The following NPSR1 variants were observed in gnomAD, a reference collection of about 807,000 sequenced individuals.
NPSR1 encodes the protein neuropeptide S receptor 1.
Under a neutral mutation model 46.9 loss-of-function variants are expected in NPSR1, and 48 were observed. The ratio of observed to expected loss-of-function variants is 1.02; its 90% confidence interval spans 0.81 to 1.30. NPSR1 has a LOEUF of 1.30. Among genes scored for constraint, NPSR1 ranks in the 50% most tolerant of loss-of-function variants. The pLI is 0.00. For missense variants in NPSR1, 450 were observed against 449.5 expected (o/e 1.00, Z -0.01); for synonymous variants, 176 against 168.1 (o/e 1.05, Z -0.36).
intron 2 of NPSR1, chr7:34,711,008 G>A: frequency 2.9e-6 from 1 of 344,548 alleles, no homozygotes; most frequent in Non-Finnish European, 5.7e-6. Flanking sequence ...CTATGTACCT[G>A]CAGAACGCAA....
At chr7:34,740,922 G>T (rs752610188) in intron 2 of NPSR1, among the ~76,000 whole-genome samples, 2 of 152,092 alleles carry the variant, frequency 1.3e-5, no homozygotes, top group Non-Finnish European at 2.9e-5. Context: ...CCTGCCTCCT[G>T]TCCACCGTGA....
chr7:34,702,015 T>C (rs34310477), intron 2 of NPSR1, among the ~76,000 whole-genome samples: 2,803 of 152,324 alleles, frequency 0.018, 47 homozygotes, highest in Middle Eastern at 0.034. Context: ...TTTTATCTTA[T>C]GTAAAGAAGT....
At chr7:34,839,800 A>G (rs1344539482) in intron 6 of NPSR1, among the ~76,000 whole-genome samples, 2 of 152,098 alleles carry the variant, frequency 1.3e-5, no homozygotes, top group African/African-American at 4.8e-5. Flanking sequence ...AAGCAGGGGC[A>G]GGGGAAGAGA....
Position 34,793,764 on chromosome 7 carries a change from G to T in NPSR1, c.384+15199G>T, listed in dbSNP as rs35123661. ...AAATCAGTATGTCAAAGAGACATCT[G>T]CTGTCCTGTGTTTATTACAGCACTA... On this transcript the variant is annotated intron_variant, in intron 3 of 8. Coordinates refer to ENST00000360581, the MANE Select transcript of NPSR1 (RefSeq NM_207172.2). 1.8e-3 allele frequency among the ~76,000 whole-genome samples: 272 copies of T among 152,190 alleles called. 1 individual carries two copies. The highest frequency in any genetic ancestry group is 6.3e-3 in the African/African-American group (263 of 41,536).
chr7:34,699,297 T>C (rs544357616), intron 2 of NPSR1, among the ~76,000 whole-genome samples: 13 of 152,184 alleles, frequency 8.5e-5, no homozygotes, highest in Admixed American at 1.3e-4. Context: ...CTGAGCAACA[T>C]AGTGAGACCC....
At chr7:34,820,507 T>A (rs770092531) in intron 4 of NPSR1, among the ~76,000 whole-genome samples, 6 of 152,152 alleles carry the variant, frequency 3.9e-5, no homozygotes, top group Non-Finnish European at 7.3e-5. Flanking sequence ...TGCAAAAATG[T>A]GTCAATGAAG....
chr7:34,705,187 G>A (rs1337587307), intron 2 of NPSR1, among the ~76,000 whole-genome samples: 4 of 152,096 alleles, frequency 2.6e-5, no homozygotes, highest in African/African-American at 9.7e-5. Flanking sequence ...AGCACTTTGG[G>A]AGGCTGAGGC....
chr7:34,739,636 G>A (rs894055544), intron 2 of NPSR1, among the ~76,000 whole-genome samples: 12 of 152,174 alleles, frequency 7.9e-5, no homozygotes, highest in Non-Finnish European at 1.6e-4. Flanking sequence ...TCCTAGGGAT[G>A]TGGCTTCCTG....
chr7:34,860,058 T>C (rs1791152618), intron 8 of NPSR1, among the ~76,000 whole-genome samples: 1 of 150,018 alleles, frequency 6.7e-6, no homozygotes, highest in African/African-American at 2.5e-5. Context: ...ATTCTTCCTC[T>C]TTCCACTAGA....
At chr7:34,799,173 A>C (rs916875201) in intron 3 of NPSR1, among the ~76,000 whole-genome samples, 5 of 152,142 alleles carry the variant, frequency 3.3e-5, no homozygotes, top group African/African-American at 1.2e-4. Context: ...TGAGGTAATG[A>C]ATATGTTAAT....
At chr7:34,828,568 C>T (rs1789966932) in intron 5 of NPSR1, among the ~76,000 whole-genome samples, 2 of 152,152 alleles carry the variant, frequency 1.3e-5, no homozygotes, top group South Asian at 2.1e-4. Context: ...ATCCTTGAGC[C>T]ATGATGATGC....
At chr7:34,742,610 A>T (rs1785001043) in intron 2 of NPSR1, among the ~76,000 whole-genome samples, 1 of 152,164 alleles carries the variant, frequency 6.6e-6, no homozygotes, top group Admixed American at 6.5e-5. Context: ...GCTCTTGTGA[A>T]TAGTACTGCA....
At chr7:34,747,324 A>G (rs927147583) in intron 2 of NPSR1, among the ~76,000 whole-genome samples, 4 of 152,154 alleles carry the variant, frequency 2.6e-5, no homozygotes, top group South Asian at 2.1e-4. Context: ...CCTCTTCTGC[A>G]TATTGAAAGT....
chr7:34,824,254 C>T (rs17199853), intron 4 of NPSR1, among the ~76,000 whole-genome samples: 11,273 of 152,018 alleles, frequency 0.074, 507 homozygotes, highest in East Asian at 0.12. Context: ...GTAACTTATA[C>T]GATTTTATAA....
chr7:34,877,007 T>G (rs1170199895), intron 8 of NPSR1, among the ~76,000 whole-genome samples: 1 of 152,130 alleles, frequency 6.6e-6, no homozygotes, highest in Non-Finnish European at 1.5e-5. Context: ...ACACACAACC[T>G]GGGCCTGCCC....
chr7:34,812,678 C>T (rs575471179), intron 4 of NPSR1, among the ~76,000 whole-genome samples: 1 of 152,288 alleles, frequency 6.6e-6, no homozygotes, highest in East Asian at 1.9e-4. Flanking sequence ...GCTCTGCCCA[C>T]AATCAGAGAC....
intron 2 of NPSR1, among the ~76,000 whole-genome samples, chr7:34,717,536 GGCATTTGAGAA>G (rs1783641161): frequency 6.6e-6 from 1 of 152,106 alleles, no homozygotes; most frequent in Non-Finnish European, 1.5e-5. Flanking sequence ...GGAAGACTTG[GGCATTTGAGAA>G]GCAATTGAGA....
At chr7:34,761,562 T>G (rs1786175237) in intron 2 of NPSR1, among the ~76,000 whole-genome samples, 1 of 152,148 alleles carries the variant, frequency 6.6e-6, no homozygotes, top group African/African-American at 2.4e-5. Context: ...ACAAATATTT[T>G]TTTGTTACAA....
chr7:34,850,395 G>C (rs1365359460), downstream of NPSR1, among the ~76,000 whole-genome samples: 1 of 147,170 alleles, frequency 6.8e-6, no homozygotes, highest in Non-Finnish European at 1.5e-5. Flanking sequence ...ATGTCCTTGA[G>C]GCCTTTTTTT....
Sources: gnomAD v4.1 joint callset for allele counts (sites outside exome capture counted in the v4.1 genomes callset) on GRCh38, gnomAD v4.1.1 for gene constraint, MANE v1.5 for transcripts, NCBI Gene and HGNC (gene_info 2026-07-23, HGNC 2026-07-21) for gene names.